Variants in ROBO1 observed in about 807,000 individuals in gnomAD.
The protein encoded by ROBO1 is roundabout guidance receptor 1, also known as roundabout homolog 1.
A neutral mutation model predicts 195.9 loss-of-function variants in ROBO1; 149 were observed. The observed-to-expected ratio is 0.76, with a 90% CI of 0.67 to 0.87. ROBO1 has a LOEUF of 0.87. ROBO1 is among the 40% of genes least tolerant of loss of function. The probability of loss-of-function intolerance (pLI) is 0.00; values close to 1 mark genes in which losing one functional copy is unlikely to be tolerated. For missense variants in ROBO1, 1,933 were observed against 2,068.3 expected, an observed-to-expected ratio of 0.93 and a Z score of 1.27; for synonymous variants, 816 against 733.2, an observed-to-expected ratio of 1.11 and a Z score of -1.82.
In ROBO1 at chr3:78,714,417, G is replaced by T. The variant is rs760701852; in HGVS notation, c.1025C>A (p.Ser342Tyr). The change falls in exon 8 of 31, where the codon TCT becomes TAT. Residue 342 changes from serine to tyrosine, a missense_variant. Ser to Tyr is a moderately radical substitution (Grantham distance 144). Coordinates refer to ENST00000464233, the MANE Select transcript of ROBO1 (RefSeq NM_002941.4). ...AENMVGKAEA[S>Y]ATLTVQEPPH... is the part of the protein sequence containing the mutation. The stretch of plus-strand genomic sequence containing the variant: ...CCTACCTTGAACAGTCAGAGTAGCA[G>T]ATGCTTCAGCTTTGCCCACCATATT... The T allele has an allele frequency of 6.2e-6, 10 of 1,613,084 alleles. No individual in the cohort carries two copies. Among genetic ancestry groups the T allele is most frequent in the Admixed American group, 1.7e-5 (1 of 59,902 alleles).
At chr3:79,403,653 A>G (rs1052485685) in intron 2 of ROBO1, among the ~76,000 whole-genome samples, 8 of 152,054 alleles carry the variant, frequency 5.3e-5, no homozygotes, top group Non-Finnish European at 1.0e-4. Flanking sequence ...TCAAATCACT[A>G]ATTTTAAAAT....
rs373615746 is a variant in ROBO1 at position 78,805,891 on chromosome 3, TAC to T, written c.500-58993_500-58992del. 4.3e-4 allele frequency among the ~76,000 whole-genome samples: 66 copies of T among 152,288 alleles called. 1 individual carries two copies. The South Asian group carries it at 0.012, about 27-fold the overall frequency. On this transcript the variant is annotated intron_variant, in intron 4 of 30. Coordinates refer to ENST00000464233, the MANE Select transcript of ROBO1 (RefSeq NM_002941.4). Reference sequence around the variant, plus strand: ...TTGTGCTAAAATTATAAAATTATTATACAGATTGATAATATTACACTTATAAA... The same window carrying T: ...TTGTGCTAAAATTATAAAATTATTATAGATTGATAATATTACACTTATAAA...
intron 21 of ROBO1, among the ~76,000 whole-genome samples, chr3:78,641,337 C>T (rs975181440): frequency 6.6e-6 from 1 of 152,126 alleles, no homozygotes; most frequent in Non-Finnish European, 1.5e-5. Context: ...ATTTTATAAA[C>T]ACATACACTG....
chr3:78,948,909 C>T (rs1576453046), intron 3 of ROBO1, among the ~76,000 whole-genome samples: 1 of 152,022 alleles, frequency 6.6e-6, no homozygotes, highest in South Asian at 2.1e-4. Flanking sequence ...CTCCCATTCA[C>T]AATTGCTTCA....
At chr3:79,060,967 C>G (rs2078905852) in intron 3 of ROBO1, among the ~76,000 whole-genome samples, 1 of 152,148 alleles carries the variant, frequency 6.6e-6, no homozygotes. Flanking sequence ...TCTCACCACT[C>G]CTATTCAACA....
chr3:79,474,274 A>G (rs1378990274), intron 2 of ROBO1, among the ~76,000 whole-genome samples: 1 of 152,166 alleles, frequency 6.6e-6, no homozygotes, highest in Non-Finnish European at 1.5e-5. Context: ...TGTATACCAC[A>G]AGAAAAAGTT....
At chr3:78,939,149 T>C (rs2039985107) in intron 3 of ROBO1, among the ~76,000 whole-genome samples, 1 of 152,138 alleles carries the variant, frequency 6.6e-6, no homozygotes, top group South Asian at 2.1e-4. Flanking sequence ...GCTTACACAT[T>C]GCCTGTGCAA....
At chr3:78,677,382 T>C (rs1211448611) in intron 10 of ROBO1, among the ~76,000 whole-genome samples, 2 of 152,016 alleles carry the variant, frequency 1.3e-5, no homozygotes, top group Non-Finnish European at 2.9e-5. Flanking sequence ...GACTGGCAAA[T>C]TGGATAAAGA....
chr3:78,809,255 T>C (rs1010245235), intron 4 of ROBO1, among the ~76,000 whole-genome samples: 3 of 152,138 alleles, frequency 2.0e-5, no homozygotes, highest in African/African-American at 7.2e-5. Context: ...TCATCATCAC[T>C]GGTCATTAGA....
intron 10 of ROBO1, among the ~76,000 whole-genome samples, chr3:78,677,738 C>G (rs1218196890): frequency 1.3e-5 from 2 of 152,122 alleles, no homozygotes; most frequent in African/African-American, 2.4e-5. Flanking sequence ...GACTTTAACA[C>G]CCCACTGTCA....
chr3:79,688,180 G>A (rs1255956183), intron 1 of ROBO1, among the ~76,000 whole-genome samples: 1 of 141,560 alleles, frequency 7.1e-6, no homozygotes. Flanking sequence ...GAAAACACAT[G>A]GACACAGGAA....
rs144440420 is a variant in ROBO1 at position 78,819,454 on chromosome 3, A to C, written c.500-72554T>G. On this transcript the variant is annotated intron_variant, in intron 4 of 30. Coordinates refer to ENST00000464233, the MANE Select transcript of ROBO1 (RefSeq NM_002941.4). ...ACGTGTCCATATTCTACAAAAAAAAAAAAACAAAACCTTTTTTTTTCTTTT... is the reference window on the plus strand; with the variant it reads ...ACGTGTCCATATTCTACAAAAAAAACAAAACAAAACCTTTTTTTTTCTTTT... Among the ~76,000 whole-genome samples the C allele has an allele frequency of 9.7e-3, 1,467 of 151,714 alleles. 27 individuals are homozygous for C. The highest frequency in any genetic ancestry group is 0.034 in the African/African-American group (1,393 of 41,390).
intron 3 of ROBO1, among the ~76,000 whole-genome samples, chr3:79,040,877 T>A (rs2078475505): frequency 6.6e-6 from 1 of 152,196 alleles, no homozygotes; most frequent in South Asian, 2.1e-4. Flanking sequence ...GAAAAAAAAA[T>A]TCCAGACACT....
chr3:78,811,715 T>G (rs900467393), intron 4 of ROBO1, among the ~76,000 whole-genome samples: 5 of 152,152 alleles, frequency 3.3e-5, no homozygotes, highest in Non-Finnish European at 7.3e-5. Flanking sequence ...TAGCCACTAA[T>G]TTGGAACTAG....
intron 3 of ROBO1, among the ~76,000 whole-genome samples, chr3:79,009,065 G>A (rs779780216): frequency 3.8e-4 from 57 of 150,410 alleles, no homozygotes; most frequent in African/African-American, 7.3e-4. Context: ...CTCGGCCTCC[G>A]GAGTAGCTGA....
chr3:79,040,385 T>C (rs1158902777), intron 3 of ROBO1, among the ~76,000 whole-genome samples: 6 of 152,178 alleles, frequency 3.9e-5, no homozygotes, highest in African/African-American at 1.2e-4. Flanking sequence ...TAAATCATCA[T>C]TGAATTACTC....
chr3:79,030,219 C>T (rs1390262998), intron 3 of ROBO1, among the ~76,000 whole-genome samples: 2 of 152,176 alleles, frequency 1.3e-5, no homozygotes, highest in Admixed American at 1.3e-4. Context: ...TAATCCCTCC[C>T]CATTGACATT....
rs573199839 is a variant in ROBO1, at chr3:79,767,476, T to C, written c.-51+276A>G. Among the ~76,000 whole-genome samples the C allele has an allele frequency of 7.9e-5, 12 of 152,304 alleles. No individual in the cohort carries two copies. The South Asian group carries it at 1.7e-3, about 21-fold the overall frequency. ...CGCAGCCTACCTGGAACGGACACTC[T>C]GCACAACTGGCAAGGAAGAAACAAA... On this transcript the variant is annotated intron_variant, in intron 1 of 30. Transcript: ENST00000464233.
intron 4 of ROBO1, among the ~76,000 whole-genome samples, chr3:78,923,473 C>A (rs1351929020): frequency 2.0e-5 from 3 of 152,100 alleles, no homozygotes; most frequent in African/African-American, 7.2e-5. Context: ...TAGATTGCCA[C>A]CAGACAGATT....
Sources: allele counts gnomAD v4.1 joint callset (sites outside exome capture counted in the v4.1 genomes callset), GRCh38; gene constraint gnomAD v4.1.1; transcripts MANE v1.5; gene names NCBI Gene and HGNC (gene_info 2026-07-23, HGNC 2026-07-21).